Variants in PCDHGA8 observed in about 807,000 individuals in gnomAD.
PCDHGA8 encodes protocadherin gamma-A8.
In PCDHGA8, 45 loss-of-function variants were observed where a neutral mutation model predicts 59.2. The ratio of observed to expected loss-of-function variants is 0.76; its 90% CI spans 0.60 to 0.98. PCDHGA8 has a LOEUF of 0.98. Ranked by LOEUF, PCDHGA8 falls within the 50% of genes least tolerant of loss-of-function variation. The probability of loss-of-function intolerance (pLI) is 0.00; values close to 1 mark genes in which losing one functional copy is unlikely to be tolerated. For synonymous variants in PCDHGA8, 531 were observed against 519.0 expected (o/e 1.02, Z -0.32); for missense variants, 1,257 against 1,196.2 (o/e 1.05, Z -0.75).
chr5:141,460,656 ACTGTAAACACAGT>A (rs2098994793), intron 1 of PCDHGA8, among the ~76,000 whole-genome samples: 1 of 152,086 alleles, frequency 6.6e-6, no homozygotes, highest in Admixed American at 6.6e-5. Flanking sequence ...CACATATGTA[ACTGTAAACACAGT>A]TATATATCTA....
chr5:141,478,878 T>C (rs946127535), intron 1 of PCDHGA8: 8 of 1,250,076 alleles, frequency 6.4e-6, no homozygotes, highest in Non-Finnish European at 8.6e-6. Context: ...GAGTTTAGCT[T>C]GGTATCATTT....
At chr5:141,410,161 ACT>A (rs758781174) in intron 1 of PCDHGA8, 27 of 1,613,102 alleles carry the variant, frequency 1.7e-5, no homozygotes, top group South Asian at 1.1e-5. Flanking sequence ...GACAGCCGCC[ACT>A]CTCTGCCACC....
At chr5:141,483,797 G>GCTGCTTTT (rs1255394691) in intron 1 of PCDHGA8, among the ~76,000 whole-genome samples, 3 of 152,174 alleles carry the variant, frequency 2.0e-5, no homozygotes, top group Non-Finnish European at 4.4e-5. Context: ...TCCAGTTGTT[G>GCTGCTTTT]CTGCTTTTTT....
chr5:141,425,483 C>A (rs1172308088), intron 1 of PCDHGA8, among the ~76,000 whole-genome samples: 2 of 152,304 alleles, frequency 1.3e-5, no homozygotes, highest in Non-Finnish European at 2.9e-5. Flanking sequence ...CTATGGCAAC[C>A]TACTAGGCTA....
chr5:141,511,031 A>G lies in PCDHGA8; in HGVS notation c.2657A>G (p.Gln886Arg). 6.2e-7 allele frequency: 1 copy of G among 1,614,244 alleles called. No individual in the cohort carries two copies. The highest frequency in any genetic ancestry group is 8.5e-7 in the Non-Finnish European group (1 of 1,180,034). ...SARYGPQFTL[Q>R]HVPDYRQNVY... Reference sequence around the variant, plus strand: ...CGCTACGGACCCCAGTTCACCCTGCAGCACGTGCCCGACTACCGCCAGAAT... The same window carrying G: ...CGCTACGGACCCCAGTTCACCCTGCGGCACGTGCCCGACTACCGCCAGAAT... The change falls in exon 4 of 4, where the codon CAG (glutamine) becomes CGG (arginine). Residue 886 changes from glutamine to arginine, a missense_variant. Gln to Arg is a conservative substitution (Grantham distance 43). Coordinates refer to ENST00000398604, the MANE Select transcript of PCDHGA8 (RefSeq NM_032088.2).
intron 1 of PCDHGA8, chr5:141,413,515 G>C: frequency 6.2e-7 from 1 of 1,613,984 alleles, no homozygotes; most frequent in Non-Finnish European, 8.5e-7. Context: ...TAATATCCTT[G>C]TGGAAGACAG....
intron 1 of PCDHGA8, chr5:141,417,624 G>A (rs2096138947): frequency 1.5e-6 from 1 of 672,584 alleles, no homozygotes; most frequent in Non-Finnish European, 2.4e-6. Flanking sequence ...CAGAGCAAGC[G>A]CTGACGCCGG....
At chr5:141,419,773 C>G (rs2096431068) in intron 1 of PCDHGA8, 1 of 1,613,916 alleles carries the variant, frequency 6.2e-7, no homozygotes, top group Non-Finnish European at 8.5e-7. Context: ...AGGACTCGGT[C>G]CGCCAGCGCC....
intron 1 of PCDHGA8, among the ~76,000 whole-genome samples, chr5:141,454,261 A>T (rs183133499): frequency 1.3e-5 from 2 of 152,364 alleles, no homozygotes; most frequent in South Asian, 2.1e-4. Flanking sequence ...CAGAGAAAGT[A>T]ATGCCAGCAA....
intron 1 of PCDHGA8, among the ~76,000 whole-genome samples, chr5:141,438,564 T>A (rs1192918137): frequency 1.5e-5 from 2 of 137,114 alleles, no homozygotes; most frequent in Non-Finnish European, 3.1e-5. Flanking sequence ...AAGAGGCAGC[T>A]GTCTGATATA....
intron 2 of PCDHGA8, among the ~76,000 whole-genome samples, chr5:141,498,191 A>G (rs2099782212): frequency 6.6e-6 from 1 of 152,270 alleles, no homozygotes; most frequent in African/African-American, 2.4e-5. Flanking sequence ...CAAATTAACC[A>G]GCTAAAGAAA....
Position 141,511,186 on chromosome 5 carries a change from G to A in PCDHGA8, c.*13G>A. 1 of 1,613,906 alleles carries A rather than the reference G, an allele frequency of 6.2e-7. No individual in the cohort carries two copies. The highest frequency in any genetic ancestry group is 8.5e-7 in the Non-Finnish European group (1 of 1,179,890). ...GGAGAAGAAGTAACATGGAGGCCAG[G>A]CCAAGAGCCACAGGGCGGCCTCTCC... On this transcript the variant is annotated 3_prime_UTR_variant, in exon 4 of 4. Transcript: ENST00000398604.
intron 1 of PCDHGA8, chr5:141,433,354 T>C: frequency 1.7e-6 from 1 of 602,322 alleles, no homozygotes; most frequent in Non-Finnish European, 2.9e-6. Flanking sequence ...CCACCTACTG[T>C]CTGCCTATCT....
At chr5:141,413,980 A>C in intron 1 of PCDHGA8, 12 of 1,613,530 alleles carry the variant, frequency 7.4e-6, no homozygotes, top group Non-Finnish European at 1.0e-5. Flanking sequence ...GCTGACAGTC[A>C]CAGCCACCGA....
At chr5:141,404,234 G>C (rs2094500908) in intron 1 of PCDHGA8, 1 of 1,613,652 alleles carries the variant, frequency 6.2e-7, no homozygotes, top group South Asian at 1.1e-5. Flanking sequence ...AACAGACAGA[G>C]GAACTCCGCC....
intron 1 of PCDHGA8, chr5:141,404,780 AAGGCCAGTGAGCC>A: frequency 6.2e-7 from 1 of 1,612,764 alleles, no homozygotes; most frequent in Non-Finnish European, 8.5e-7. Context: ...CCGCCTATTC[AAGGCCAGTGAGCC>A]AGGGCTCTTC....
chr5:141,465,583 A>G (rs1056902823), intron 1 of PCDHGA8, among the ~76,000 whole-genome samples: 10 of 152,162 alleles, frequency 6.6e-5, no homozygotes, highest in African/African-American at 2.4e-4. Flanking sequence ...ACACTCTCAT[A>G]ATAATCAGAT....
chr5:141,434,795 T>C (rs1027924206), intron 1 of PCDHGA8, among the ~76,000 whole-genome samples: 2 of 152,004 alleles, frequency 1.3e-5, no homozygotes, highest in African/African-American at 2.4e-5. Context: ...TTTTTTTTTC[T>C]GAGCTTGGAG....
chr5:141,469,676 A>G (rs1227075639), intron 1 of PCDHGA8, among the ~76,000 whole-genome samples: 1 of 152,250 alleles, frequency 6.6e-6, no homozygotes, highest in African/African-American at 2.4e-5. Context: ...ATAAAACTAC[A>G]TATGCATTGG....
Sources: allele counts gnomAD v4.1 joint callset (sites outside exome capture counted in the v4.1 genomes callset), GRCh38; gene constraint gnomAD v4.1.1; transcripts MANE v1.5; gene names NCBI Gene and HGNC (gene_info 2026-07-23, HGNC 2026-07-21).